Variants in SCN4A observed in about 807,000 individuals in gnomAD.
The protein encoded by SCN4A is sodium voltage-gated channel alpha subunit 4.
In SCN4A, 83 loss-of-function variants were observed where a neutral mutation model predicts 162.0. The ratio of observed to expected loss-of-function variants is 0.51; its 90% CI spans 0.43 to 0.61. SCN4A has a LOEUF of 0.61. SCN4A is among the 20% of genes least tolerant of loss of function. The probability of loss-of-function intolerance (pLI) is 0.00; values close to 1 mark genes in which losing one functional copy is unlikely to be tolerated. For missense variants in SCN4A, 2,196 were observed against 2,462.5 expected, an observed-to-expected ratio of 0.89 and a Z score of 2.29; for synonymous variants, 944 against 985.1, an observed-to-expected ratio of 0.96 and a Z score of 0.78.
intron 23 of SCN4A, 141 bp from the exon 24 acceptor site, chr17:63,942,134 G>A: frequency 1.2e-6 from 1 of 823,510 alleles, no homozygotes. Flanking sequence ...TGACAGGTGA[G>A]GCTGGGCTCT....
chr17:63,971,107 A>G lies in SCN4A; in HGVS notation c.703+55T>C, dbSNP rs2302236. Reference sequence around the variant, plus strand: ...ACACTGAGTCAGGTTCCAGGCCTGCACATGGTACGGGGGTCTCTCAGCTCA... The same window carrying G: ...ACACTGAGTCAGGTTCCAGGCCTGCGCATGGTACGGGGGTCTCTCAGCTCA... On this transcript the variant is annotated intron_variant, in intron 5 of 23. Transcript: ENST00000435607. 0.88 allele frequency: 1,012,493 copies of G among 1,152,378 alleles called. 445,863 individuals are homozygous for G. The highest frequency in any genetic ancestry group is 0.9 in the Non-Finnish European group (704,550 of 783,562). The allele number at this position is 1,152,378 out of a possible 1,614,324, so 71.4% of individuals were successfully genotyped here.
intron 11 of SCN4A, 86 bp downstream of exon 11, chr17:63,961,107 A>C: frequency 1.4e-6 from 1 of 721,714 alleles, no homozygotes; most frequent in Non-Finnish European, 2.2e-6. Context: ...ACCGTGCCCT[A>C]TATTTACATA....
chr17:63,961,797 C>A, intron 10 of SCN4A: 1 of 268,398 alleles, frequency 3.7e-6, no homozygotes, highest in Non-Finnish European at 7.3e-6. Context: ...CACCACTCAC[C>A]GCATCACCCT....
intron 5 of SCN4A, among the ~76,000 whole-genome samples, chr17:63,969,424 A>G (rs928046084): frequency 6.6e-6 from 1 of 152,236 alleles, no homozygotes; most frequent in African/African-American, 2.4e-5. Context: ...GATATGGAAA[A>G]CAAATGCTCG....
chr17:63,954,152 C>CT (rs923591145), intron 13 of SCN4A, among the ~76,000 whole-genome samples: 1 of 152,232 alleles, frequency 6.6e-6, no homozygotes, highest in Non-Finnish European at 1.5e-5. Flanking sequence ...ACTCCTGGCT[C>CT]TCACCAGCCT....
chr17:63,972,640 A>G lies in SCN4A; in HGVS notation c.202T>C (p.Tyr68His), dbSNP rs762663150. 6.2e-7 allele frequency: 1 copy of G among 1,611,486 alleles called. No individual in the cohort carries two copies. Among genetic ancestry groups the G allele is most frequent in the Non-Finnish European group, 8.5e-7 (1 of 1,178,794 alleles). The change falls in exon 1 of 24, where the codon TAC becomes CAC. Residue 68 changes from tyrosine (Y) to histidine (H), a missense_variant. Physicochemically the swap from Tyr to His is moderately conservative, Grantham distance 83. Coordinates refer to ENST00000435607, the MANE Select transcript of SCN4A (RefSeq NM_000334.4). This position sits in a 1 kb window ranked among gnomAD's most constrained non-coding sequence, Gnocchi z 4.3. Reference protein sequence around the residue: ...LEAGKNLPMIYGDPPPEVIGI... With the variant: ...LEAGKNLPMIHGDPPPEVIGI... The stretch of plus-strand genomic sequence containing the variant: ...ATGACCTCCGGCGGGGGGTCTCCGT[A>G]GATCATGGGTAGGTTCTTGCCAGCC...
At position 63,951,704 on chromosome 17, in the gene SCN4A, A is replaced by G. The variant is rs779805731; in HGVS notation, c.2573T>C (p.Leu858Pro). Reference sequence around the variant, plus strand: ...CTCCCCGGCCCCGTCAGCCTCCCCGAGGCTGAGCATGATGTCCTTGGGGCT... The same window carrying G: ...CTCCCCGGCCCCGTCAGCCTCCCCGGGGCTGAGCATGATGTCCTTGGGGCT... ...ILSPKDIMLS[L>P]GEADGAGEAG... Residue 858 changes from leucine (L) to proline (P), a missense_variant, in exon 14 of 24, where the codon CTC (leucine) becomes CCC (proline). Coordinates refer to ENST00000435607, the MANE Select transcript of SCN4A (RefSeq NM_000334.4). This position sits in a 1 kb window ranked among gnomAD's most constrained non-coding sequence, Gnocchi z 4.5. 1 of 1,597,950 alleles carries G rather than the reference A, an allele frequency of 6.3e-7. No homozygotes were observed. The highest frequency in any genetic ancestry group is 1.1e-5 in the South Asian group (1 of 88,818).
rs979171669 is a variant in SCN4A, at chr17:63,950,120, C to T, written c.2854-592G>A. Among the ~76,000 whole-genome samples, 1 of 152,286 alleles carries T rather than the reference C, an allele frequency of 6.6e-6. No homozygotes were observed. The highest frequency in any genetic ancestry group is 2.1e-4 in the South Asian group (1 of 4,832). ...TCCAGCCGGGCCAGGCTTCCTCCCACCTCCTCCTGCTGGGCCAGGCCAGCT... is the reference window on the plus strand; with the variant it reads ...TCCAGCCGGGCCAGGCTTCCTCCCATCTCCTCCTGCTGGGCCAGGCCAGCT... On this transcript the variant is annotated intron_variant, in intron 14 of 23. Transcript: ENST00000435607. This position sits in a 1 kb window ranked among gnomAD's most constrained non-coding sequence, Gnocchi z 4.6.
rs564823618 is a variant in SCN4A at position 63,947,327 on chromosome 17, C to T, written c.3319-160G>A. Among the ~76,000 whole-genome samples the T allele has an allele frequency of 4.6e-5, 7 of 152,340 alleles. No homozygotes were observed. The East Asian group carries it at 9.7e-4, about 21-fold the overall frequency. On this transcript the variant is annotated intron_variant, in intron 17 of 23. Transcript: ENST00000435607. Reference sequence around the variant, plus strand: ...CCGGTGGGAAGAGCAGCCCTGGGACCTGTCCCAGTACCTGTAGGAGCCTGG... The same window carrying T: ...CCGGTGGGAAGAGCAGCCCTGGGACTTGTCCCAGTACCTGTAGGAGCCTGG...
intron 13 of SCN4A, among the ~76,000 whole-genome samples, chr17:63,955,866 T>C (rs1851957955): frequency 6.6e-6 from 1 of 152,160 alleles, no homozygotes; most frequent in African/African-American, 2.4e-5. Context: ...CAGCCAGAGA[T>C]CAGCAATATC....
intron 5 of SCN4A, among the ~76,000 whole-genome samples, chr17:63,968,674 A>C (rs1909529564): frequency 6.6e-6 from 1 of 152,186 alleles, no homozygotes; most frequent in South Asian, 2.1e-4. Context: ...GCGCTGTCAA[A>C]GTGTGTTCAA....
At chr17:63,947,291 G>T in intron 17 of SCN4A, 124 bp from the exon 18 acceptor site, 1 of 1,259,494 alleles carries the variant, frequency 7.9e-7, no homozygotes, top group Non-Finnish European at 1.1e-6. Flanking sequence ...CTCCCTAGTG[G>T]GTGGTCCTGT....
intron 4 of SCN4A, 44 bp from the exon 5 acceptor site, chr17:63,971,297 G>T (rs1381416266): frequency 9.6e-7 from 1 of 1,044,130 alleles, no homozygotes; most frequent in African/African-American, 1.6e-5. Context: ...AGAGCCTGGG[G>T]TGGGTGGTAG....
In SCN4A at chr17:63,941,811, G is replaced by C; in HGVS notation, c.4471C>G (p.Leu1491Val). The C allele has an allele frequency of 6.2e-7, 1 of 1,614,222 alleles. No individual in the cohort carries two copies. The highest frequency in any genetic ancestry group is 8.5e-7 in the Non-Finnish European group (1 of 1,180,030). ...ALFNIGLLLFLVMFIYSIFGM... is the reference protein window; with the variant it reads ...ALFNIGLLLFVVMFIYSIFGM... ...AAGATGGAGTAGATGAACATGACCA[G>C]GAAGAGGAGGAGGCCGATGTTGAAG... Residue 1491 changes from leucine (L) to valine (V), a missense_variant, in exon 24 of 24, where the codon CTG (leucine) becomes GTG (valine). By Grantham distance (32) the Leu-to-Val change is conservative. Transcript: ENST00000435607. The surrounding 1 kb of genome is among the most constrained non-coding windows in gnomAD (Gnocchi z 6.2).
chr17:63,941,826 C>T lies in SCN4A; in HGVS notation c.4456G>A (p.Gly1486Ser). ...MMSLPALFNI[G>S]LLLFLVMFIY... The stretch of plus-strand genomic sequence containing the variant: ...AACATGACCAGGAAGAGGAGGAGGC[C>T]GATGTTGAAGAGGGCAGGCAGCGAC... Residue 1486 changes from glycine to serine, a missense_variant, in exon 24 of 24, where the codon GGC becomes AGC. By Grantham distance (56) the Gly-to-Ser change is moderately conservative. Transcript: ENST00000435607. The surrounding 1 kb of genome is among the most constrained non-coding windows in gnomAD (Gnocchi z 6.2). 2.5e-6 allele frequency: 4 copies of T among 1,614,106 alleles called. 1 individual carries two copies. The Admixed American group carries it at 5.0e-5, about 20-fold the overall frequency.
rs1380676254 is a variant in SCN4A, at chr17:63,948,071, C to T, written c.3145-8G>A. On this transcript the variant is annotated splice_region_variant and splice_polypyrimidine_tract_variant and intron_variant, in intron 16 of 23. Transcript: ENST00000435607. ...GTAGATGTCCTCGAAGGCCTGGGGG[C>T]ACCAGCACCACCAGGGTGGCTGGGG... is the stretch of plus-strand genomic sequence containing the variant. 1 of 1,587,720 alleles carries T rather than the reference C, an allele frequency of 6.3e-7. No individual in the cohort carries two copies. Among genetic ancestry groups the T allele is most frequent in the Non-Finnish European group, 8.6e-7 (1 of 1,161,072 alleles).
At position 63,945,309 on chromosome 17, in the gene SCN4A, T is replaced by TG; in HGVS notation, c.3720+50dup. 16 of 1,509,016 alleles carry TG rather than the reference T, an allele frequency of 1.1e-5. No individual in the cohort carries two copies. Among genetic ancestry groups the TG allele is most frequent in the Non-Finnish European group, 1.3e-5 (14 of 1,097,782 alleles). 93.5% of individuals were successfully genotyped at this position (1,509,016 alleles called of 1,614,324 possible). ...GTTGGGTACAACGAGAGGACCGGGG[T>TG]GGGGGGCACCTCCATCCAGGTTCCC... On this transcript the variant is annotated intron_variant, in intron 19 of 23. Transcript: ENST00000435607. This position sits in a 1 kb window ranked among gnomAD's most constrained non-coding sequence, Gnocchi z 4.4.
intron 13 of SCN4A, among the ~76,000 whole-genome samples, chr17:63,952,348 C>T (rs142105496): frequency 2.7e-4 from 41 of 152,024 alleles, no homozygotes; most frequent in Middle Eastern, 6.8e-3. Flanking sequence ...TTTGTAGAGA[C>T]GGGGTTTCAA....
At chr17:63,956,429 G>A (rs1306789322) in intron 13 of SCN4A, among the ~76,000 whole-genome samples, 1 of 152,164 alleles carries the variant, frequency 6.6e-6, no homozygotes, top group South Asian at 2.1e-4. Flanking sequence ...TCCATTTTTT[G>A]TAGAGATAAG....
Sources: allele counts gnomAD v4.1 joint callset (sites outside exome capture counted in the v4.1 genomes callset), GRCh38; gene constraint gnomAD v4.1.1; non-coding constraint Gnocchi (gnomAD v3.1); transcripts MANE v1.5; gene names NCBI Gene and HGNC (gene_info 2026-07-23, HGNC 2026-07-21).